ZBTB47: variants seen among roughly 807,000 people sequenced by gnomAD.
The protein encoded by ZBTB47 is zinc finger and BTB domain containing 47, also known as zinc finger and BTB domain-containing protein 47.
ZBTB47 carries 24 observed loss-of-function variants against 56.6 expected under a neutral mutation model. That is an observed-to-expected ratio of 0.42 (90% confidence interval 0.31 to 0.60). ZBTB47 has a LOEUF of 0.60. Among genes scored for constraint, ZBTB47 ranks in the 20% least tolerant of loss-of-function variants. ZBTB47 has a pLI of 0.14. For synonymous variants in ZBTB47, 414 were observed against 418.9 expected (o/e 0.99, Z 0.14); for missense variants, 829 against 1,032.6 (o/e 0.80, Z 2.70).
Position 42,664,964 on chromosome 3 carries a change from C to T in ZBTB47, c.*366C>T, listed in dbSNP as rs1426279344. 5.6e-6 allele frequency: 1 copy of T among 178,478 alleles called. No individual in the cohort carries two copies. Among genetic ancestry groups the T allele is most frequent in the Admixed American group, 6.3e-5 (1 of 15,946 alleles). The allele number at this position is 178,478 out of a possible 1,614,324, so 11.1% of individuals were successfully genotyped here. On this transcript the variant is annotated 3_prime_UTR_variant, in exon 6 of 6. Transcript: ENST00000232974. ...GGCCTGGGCAGCAGGTGTGGCCAGTCCCTCTGCCAAGGCCTGTGCCAGAGG... is the reference window on the plus strand; with the variant it reads ...GGCCTGGGCAGCAGGTGTGGCCAGTTCCTCTGCCAAGGCCTGTGCCAGAGG...
rs72864072 is a variant in ZBTB47, at chr3:42,659,225, A to G, written c.870A>G (p.Glu290=). 222,470 of 1,530,508 alleles carry G rather than the reference A, an allele frequency of 0.15. 18,635 individuals are homozygous for G. The highest frequency in any genetic ancestry group is 0.33 in the African/African-American group (24,151 of 72,840). The allele number at this position is 1,530,508 out of a possible 1,614,324, so 94.8% of individuals were successfully genotyped here. A position where few individuals can be genotyped will look rare whatever the true frequency, so the allele number is the denominator to read the frequency against. ...ACGACGAGGAGGAGGAGGAGGAAGA[A>G]GAGGAAGAGGAAGGTGGTGGCAGTG... ...EEDDEEEEEE[E]EEEEGGGSGR... The change falls in exon 2 of 6, where the codon GAA becomes GAG. Residue 290 remains glutamate, a synonymous_variant. Transcript: ENST00000232974.
Position 42,664,782 on chromosome 3 carries a change from G to A in ZBTB47, c.*184G>A. On this transcript the variant is annotated 3_prime_UTR_variant, in exon 6 of 6. Coordinates refer to ENST00000232974, the MANE Select transcript of ZBTB47 (RefSeq NM_145166.4). ...GGTATGCAGGCTGGCAGGCCCCAGAGCTGGTGGAGGGCATCTCACTCCCAA... is the reference window on the plus strand; with the variant it reads ...GGTATGCAGGCTGGCAGGCCCCAGAACTGGTGGAGGGCATCTCACTCCCAA... 1 of 572,836 alleles carries A rather than the reference G, an allele frequency of 1.7e-6. No homozygotes were observed. The highest frequency in any genetic ancestry group is 2.6e-6 in the Non-Finnish European group (1 of 381,054). 35.5% of individuals were successfully genotyped at this position (572,836 alleles called of 1,614,324 possible).
chr3:42,657,469 G>A (rs947988687), intron 1 of ZBTB47, among the ~76,000 whole-genome samples: 2 of 152,234 alleles, frequency 1.3e-5, no homozygotes, highest in Admixed American at 6.5e-5. Flanking sequence ...CTGAGTGAGA[G>A]AGAGCTGCTG....
At position 42,659,512 on chromosome 3, in the gene ZBTB47, G is replaced by A. The variant is rs539667181; in HGVS notation, c.1157G>A (p.Arg386Gln). The change falls in exon 2 of 6, where the codon CGG becomes CAG. Residue 386 changes from arginine to glutamine, a missense_variant. Transcript: ENST00000232974. ...HMATRSRENA[R>Q]RRGTPEPEEA... ...GCCACACGGTCCCGGGAGAACGCCCGGCGCCGGGGTACCCCTGAACCTGAA... is the reference window on the plus strand; with the variant it reads ...GCCACACGGTCCCGGGAGAACGCCCAGCGCCGGGGTACCCCTGAACCTGAA... 15 of 1,539,852 alleles carry A rather than the reference G, an allele frequency of 9.7e-6. No individual in the cohort carries two copies. Among genetic ancestry groups the A allele is most frequent in the East Asian group, 9.0e-5 (4 of 44,224 alleles).
intron 2 of ZBTB47, among the ~76,000 whole-genome samples, chr3:42,660,910 A>G (rs1294282053): frequency 6.6e-6 from 1 of 152,144 alleles, no homozygotes; most frequent in African/African-American, 2.4e-5. Flanking sequence ...GGGCAGGACA[A>G]GGGTCCAGGA....
rs750524960 is a variant in ZBTB47 at position 42,659,808 on chromosome 3, G to A, written c.1453G>A (p.Asp485Asn). 7.5e-6 allele frequency: 12 copies of A among 1,608,440 alleles called. No homozygotes were observed. The African/African-American group carries it at 1.2e-4, about 16-fold the overall frequency. The change falls in exon 2 of 6, where the codon GAC (aspartate) becomes AAC (asparagine). Residue 485 changes from aspartate to asparagine, a missense_variant. By Grantham distance (23) the Asp-to-Asn change is conservative. Transcript: ENST00000232974. ...ESELLLHRQT[D>N]CERNIQCVTC... ...CGAGCTGCTGCTGCACAGGCAGACA[G>A]ACTGCGAGCGCAACATCCAGGTGGG...
In ZBTB47 at chr3:42,654,474, C is replaced by T; in HGVS notation, c.-82+591C>T. 6.5e-6 allele frequency: 1 copy of T among 153,294 alleles called. No homozygotes were observed. Among genetic ancestry groups the T allele is most frequent in the Non-Finnish European group, 1.4e-5 (1 of 70,548 alleles). 9.5% of individuals were successfully genotyped at this position (153,294 alleles called of 1,614,324 possible). ...GGCTCCAATCGGCGCCCCGCGCCCC[C>T]CGCCCGCCGCGCCCGAGGCTCTGGG... is the stretch of plus-strand genomic sequence containing the variant. On this transcript the variant is annotated intron_variant, in intron 1 of 5. Coordinates refer to ENST00000232974, the MANE Select transcript of ZBTB47 (RefSeq NM_145166.4). This position sits in a 1 kb window ranked among gnomAD's most constrained non-coding sequence, Gnocchi z 5.0.
At position 42,666,047 on chromosome 3, in the gene ZBTB47, G is replaced by A. The variant is rs768464738; in HGVS notation, c.*1449G>A. 6.6e-6 allele frequency among the ~76,000 whole-genome samples: 1 copy of A among 152,240 alleles called. No individual in the cohort carries two copies. The highest frequency in any genetic ancestry group is 2.1e-4 in the South Asian group (1 of 4,832). On this transcript the variant is annotated 3_prime_UTR_variant, in exon 6 of 6. Coordinates refer to ENST00000232974, the MANE Select transcript of ZBTB47 (RefSeq NM_145166.4). ...GTGGGAAGAGGCTTGGGCCCCGGGG[G>A]AATGGTTAGGGGGACTGAACCCCTC...
In ZBTB47 at chr3:42,653,707, G is replaced by A. The variant is rs1334844518; in HGVS notation, c.-258G>A. The A allele has an allele frequency of 6.6e-6, 1 of 152,612 alleles. No homozygotes were observed. The highest frequency in any genetic ancestry group is 2.4e-5 in the African/African-American group (1 of 41,476). 9.5% of individuals were successfully genotyped at this position (152,612 alleles called of 1,614,324 possible). A position where few individuals can be genotyped will look rare whatever the true frequency, so the allele number is the denominator to read the frequency against. ...CTGAGCAAGGGGGCCACTCAGCAGT[G>A]GTCAGGTCACACGGCTAGAGGGGCA... On this transcript the variant is annotated 5_prime_UTR_variant, in exon 1 of 6. Coordinates refer to ENST00000232974, the MANE Select transcript of ZBTB47 (RefSeq NM_145166.4).
rs1202798233 is a variant in ZBTB47, at chr3:42,667,187, A to C, written c.*2589A>C. ...TCCAGGGCTGGGGGAAGGGGGACGC[A>C]GGATCATCCCCTCCCAAGGAGATCT... On this transcript the variant is annotated 3_prime_UTR_variant, in exon 6 of 6. Coordinates refer to ENST00000232974, the MANE Select transcript of ZBTB47 (RefSeq NM_145166.4). Among the ~76,000 whole-genome samples, 1 of 152,218 alleles carries C rather than the reference A, an allele frequency of 6.6e-6. No individual in the cohort carries two copies. The highest frequency in any genetic ancestry group is 1.9e-4 in the East Asian group (1 of 5,190).
intron 2 of ZBTB47, among the ~76,000 whole-genome samples, chr3:42,660,859 C>G (rs1710707344): frequency 6.6e-6 from 1 of 152,188 alleles, no homozygotes; most frequent in African/African-American, 2.4e-5. Flanking sequence ...CTGCCCAAGC[C>G]TTGGCCTAGC....
In ZBTB47 at chr3:42,664,733, C is replaced by A; in HGVS notation, c.*135C>A. The A allele has an allele frequency of 9.2e-7, 1 of 1,090,892 alleles. No homozygotes were observed. Among genetic ancestry groups the A allele is most frequent in the Non-Finnish European group, 1.2e-6 (1 of 842,366 alleles). The allele number at this position is 1,090,892 out of a possible 1,614,324, so 67.6% of individuals were successfully genotyped here. On this transcript the variant is annotated 3_prime_UTR_variant, in exon 6 of 6. Transcript: ENST00000232974. ...ACCTCCAGAAGTGGCTGGATGTACC[C>A]TGCCTGAGGCCCCGACGAGGAGGGG...
chr3:42,661,513 A>C lies in ZBTB47; in HGVS notation c.1502A>C (p.Lys501Thr), dbSNP rs1225071087. Residue 501 changes from lysine (K) to threonine (T), a missense_variant, in exon 3 of 6, where the codon AAG becomes ACG. By Grantham distance (78) the Lys-to-Thr change is moderately conservative. This residue lies in a region of ZBTB47 where 187 missense variants were observed against 253.1 expected (regional missense o/e 0.74). Coordinates refer to ENST00000232974, the MANE Select transcript of ZBTB47 (RefSeq NM_145166.4). Reference sequence around the variant, plus strand: ...GTGACATGTGGCAAAGCTTTCAAGAAGCTTTGGTCCCTCCATGAGCATAAC... The same window carrying C: ...GTGACATGTGGCAAAGCTTTCAAGACGCTTTGGTCCCTCCATGAGCATAAC... ...QCVTCGKAFK[K>T]LWSLHEHNKI... The C allele has an allele frequency of 3.7e-6, 6 of 1,613,886 alleles. No homozygotes were observed. The Admixed American group carries it at 6.7e-5, about 18-fold the overall frequency.
rs1014970948 is a variant in ZBTB47 at position 42,656,316 on chromosome 3, G to A, written c.-81-1959G>A. ...ATTAAAGGCTCAGAAATCCAGCCAT[G>A]TGGGGTCTAGCAAGGAAGGGGTGGT... On this transcript the variant is annotated intron_variant, in intron 1 of 5. Transcript: ENST00000232974. The surrounding 1 kb of genome is among the most constrained non-coding windows in gnomAD (Gnocchi z 5.8). Among the ~76,000 whole-genome samples, 1 of 152,214 alleles carries A rather than the reference G, an allele frequency of 6.6e-6. No individual in the cohort carries two copies. Among genetic ancestry groups the A allele is most frequent in the Non-Finnish European group, 1.5e-5 (1 of 68,044 alleles).
chr3:42,655,046 C>G (rs1035903606), intron 1 of ZBTB47, among the ~76,000 whole-genome samples: 7 of 152,070 alleles, frequency 4.6e-5, no homozygotes, highest in African/African-American at 1.7e-4. Context: ...GCCACGTGGG[C>G]GCTGGAGCCG....
In ZBTB47 at chr3:42,664,531, T is replaced by G; in HGVS notation, c.2177T>G (p.Leu726Arg). Residue 726 changes from leucine to arginine, a missense_variant, in exon 6 of 6, where the codon CTG (leucine) becomes CGG (arginine). By Grantham distance (102) the Leu-to-Arg change is moderately radical (BLOSUM62 -2). This residue lies in a region of ZBTB47 where 115 missense variants were observed against 117.2 expected (regional missense o/e 0.98). Transcript: ENST00000232974. ...CAGACCCTGCCGCCCCCGCCCCACC[T>G]GCCGCCCCCGCCTCCGCTCTTCCCC... is the stretch of plus-strand genomic sequence containing the variant. ...LPQTLPPPPH[L>R]PPPPPLFPTT... 4 of 349,126 alleles carry G rather than the reference T, an allele frequency of 1.1e-5. No homozygotes were observed. The highest frequency in any genetic ancestry group is 8.8e-5 in the African/African-American group (1 of 11,328). The allele number at this position is 349,126 out of a possible 1,614,324, so 21.6% of individuals were successfully genotyped here.
rs1459484332 is a variant in ZBTB47, at chr3:42,664,891, T to C, written c.*293T>C. 2.0e-5 allele frequency: 5 copies of C among 254,800 alleles called. No homozygotes were observed. The highest frequency in any genetic ancestry group is 2.9e-5 in the Non-Finnish European group (4 of 136,800). 15.8% of individuals were successfully genotyped at this position (254,800 alleles called of 1,614,324 possible). A position where few individuals can be genotyped will look rare whatever the true frequency, so the allele number is the denominator to read the frequency against. The stretch of plus-strand genomic sequence containing the variant: ...AGGAAAAAGAAACTATTTACAGCAC[T>C]CCCCTCCAGGTGAGGGGGGTGCTGG... On this transcript the variant is annotated 3_prime_UTR_variant, in exon 6 of 6. Transcript: ENST00000232974.
chr3:42,662,925 G>A, intron 3 of ZBTB47, 87 bp from the exon 4 acceptor site: 3 of 907,356 alleles, frequency 3.3e-6, no homozygotes, highest in Non-Finnish European at 5.4e-6. Context: ...GTGGCACAGG[G>A]CTGCCCCAGG....
rs1281906316 is a variant in ZBTB47, at chr3:42,663,814, C to T, written c.1755C>T (p.Phe585=). The change falls in exon 5 of 6, where the codon TTC becomes TTT. Residue 585 remains phenylalanine (F), a synonymous_variant. Transcript: ENST00000232974. The surrounding 1 kb of genome is among the most constrained non-coding windows in gnomAD (Gnocchi z 5.1). ...ACCCCCAGAACTGCAATGAGCGCTTCCAGTACAAGTACCAGCTGCGGTCAC... is the reference window on the plus strand; with the variant it reads ...ACCCCCAGAACTGCAATGAGCGCTTTCAGTACAAGTACCAGCTGCGGTCAC... The part of the protein sequence containing the change: ...PFRCENCNER[F]QYKYQLRSHM... 1.2e-6 allele frequency: 2 copies of T among 1,613,574 alleles called. No individual in the cohort carries two copies. Among genetic ancestry groups the T allele is most frequent in the Non-Finnish European group, 8.5e-7 (1 of 1,179,726 alleles).
Sources: allele counts gnomAD v4.1 joint callset (sites outside exome capture counted in the v4.1 genomes callset), GRCh38; gene constraint gnomAD v4.1.1; regional missense constraint gnomAD v4.1.1; non-coding constraint Gnocchi (gnomAD v3.1); transcripts MANE v1.5; gene names NCBI Gene and HGNC (gene_info 2026-07-23, HGNC 2026-07-21).